The following TERF2IP variants were observed in gnomAD, a reference collection of about 807,000 sequenced individuals.
TERF2IP encodes the protein TERF2 interacting protein, also known as telomeric repeat-binding factor 2-interacting protein 1.
Under a neutral mutation model 33.3 loss-of-function variants are expected in TERF2IP, and 35 were observed. That is an observed-to-expected ratio of 1.05 (90% CI 0.80 to 1.39). The LOEUF (loss-of-function observed/expected upper bound fraction) is 1.39. TERF2IP is among the 40% of genes most tolerant of loss of function. The probability of loss-of-function intolerance (pLI) is 0.00; values close to 1 mark genes in which losing one functional copy is unlikely to be tolerated. For missense variants in TERF2IP, 583 were observed against 524.8 expected (o/e 1.11, Z -1.08); for synonymous variants, 253 against 223.2 (o/e 1.13, Z -1.19).
intron 2 of TERF2IP, among the ~76,000 whole-genome samples, chr16:75,654,792 G>A (rs1288963895): frequency 3.4e-5 from 5 of 145,802 alleles, no homozygotes; most frequent in Admixed American, 3.4e-4. Flanking sequence ...GCAGTGGTGC[G>A]ATCTTGGCTC....
chr16:75,656,513 A>C lies in TERF2IP; in HGVS notation c.1102A>C (p.Ile368Leu), dbSNP rs756225588. The change falls in exon 3 of 3, where the codon ATA becomes CTA. Residue 368 changes from isoleucine (I) to leucine (L), a missense_variant. Ile to Leu is a conservative substitution (Grantham distance 5, BLOSUM62 2). Transcript: ENST00000300086. ...TCCCATTTGGTCCCGACAAGATGAC[A>C]TAGATTTGCAAAAAGATGATGAGGA... is the stretch of plus-strand genomic sequence containing the variant. ...GYPIWSRQDD[I>L]DLQKDDEDTR... 3.1e-6 allele frequency: 5 copies of C among 1,614,110 alleles called. No homozygotes were observed. Among genetic ancestry groups the C allele is most frequent in the Non-Finnish European group, 3.4e-6 (4 of 1,180,050 alleles).
rs2082383618 is a variant in TERF2IP at position 75,656,122 on chromosome 16, G to A, written c.796-85G>A. 2.2e-6 allele frequency: 3 copies of A among 1,344,588 alleles called. No homozygotes were observed. The African/African-American group carries it at 4.4e-5, about 20-fold the overall frequency. 83.3% of individuals were successfully genotyped at this position (1,344,588 alleles called of 1,614,324 possible). On this transcript the variant is annotated intron_variant, in intron 2 of 2. Coordinates refer to ENST00000300086, the MANE Select transcript of TERF2IP (RefSeq NM_018975.4). The stretch of plus-strand genomic sequence containing the variant: ...AGTGTGATTGGAATGCAGAGGGCAA[G>A]GGGGTGATAGTTGGAAGAGACCAGA...
chr16:75,651,616 G>A (rs553164796), intron 1 of TERF2IP, among the ~76,000 whole-genome samples: 1 of 152,298 alleles, frequency 6.6e-6, no homozygotes, highest in Non-Finnish European at 1.5e-5. Context: ...TTGAACCAGG[G>A]AGGTGTAGGT....
rs770572609 is a variant in TERF2IP at position 75,657,138 on chromosome 16, A to C, written c.*527A>C. 2 of 152,382 alleles carry C rather than the reference A, an allele frequency of 1.3e-5. No homozygotes were observed. The highest frequency in any genetic ancestry group is 6.5e-5 in the Admixed American group (1 of 15,276). 9.4% of individuals were successfully genotyped at this position (152,382 alleles called of 1,614,324 possible). On this transcript the variant is annotated 3_prime_UTR_variant, in exon 3 of 3. Transcript: ENST00000300086. ...AGCTCTGATTTCTAGACTGCTTTGA[A>C]AATGCTGTATTCATTTTGCTAACTT...
At chr16:75,654,073 G>A (rs74460198) in intron 1 of TERF2IP, among the ~76,000 whole-genome samples, 200 bp from the exon 2 acceptor site, 1,883 of 143,248 alleles carry the variant, frequency 0.013, 49 homozygotes, top group African/African-American at 0.045. Context: ...TCAGAAGCAA[G>A]CATAGAAATG....
chr16:75,656,773 G>A lies in TERF2IP; in HGVS notation c.*162G>A. ...TCCTAGATTTTTGTAGCCAAGCAGA[G>A]TTGTAGAGGGGGATAAAAAGAAAAG... On this transcript the variant is annotated 3_prime_UTR_variant, in exon 3 of 3. Transcript: ENST00000300086. 3.1e-6 allele frequency: 2 copies of A among 644,468 alleles called. No individual in the cohort carries two copies. Among genetic ancestry groups the A allele is most frequent in the Admixed American group, 6.3e-5 (2 of 31,498 alleles). 39.9% of individuals were successfully genotyped at this position (644,468 alleles called of 1,614,324 possible). A position where few individuals can be genotyped will look rare whatever the true frequency, so the allele number is the denominator to read the frequency against.
chr16:75,652,848 A>G (rs1165069322), intron 1 of TERF2IP, among the ~76,000 whole-genome samples: 2 of 152,298 alleles, frequency 1.3e-5, no homozygotes, highest in African/African-American at 2.4e-5. Flanking sequence ...CTAAAACTGA[A>G]ACTCCATGCC....
chr16:75,653,133 A>G (rs1206500009), intron 1 of TERF2IP, among the ~76,000 whole-genome samples: 1 of 152,092 alleles, frequency 6.6e-6, no homozygotes, highest in African/African-American at 2.4e-5. Flanking sequence ...CATTGTATGT[A>G]TATACTACAT....
At chr16:75,652,206 T>A (rs2082352880) in intron 1 of TERF2IP, among the ~76,000 whole-genome samples, 1 of 152,164 alleles carries the variant, frequency 6.6e-6, no homozygotes, top group Non-Finnish European at 1.5e-5. Context: ...TCTATTACCG[T>A]CTCTTGTCTG....
At chr16:75,651,190 G>A (rs1307642958) in intron 1 of TERF2IP, among the ~76,000 whole-genome samples, 2 of 152,004 alleles carry the variant, frequency 1.3e-5, no homozygotes, top group Non-Finnish European at 2.9e-5. Flanking sequence ...TAAAGTCAGA[G>A]GGCATGCTGG....
intron 2 of TERF2IP, among the ~76,000 whole-genome samples, chr16:75,655,778 A>G (rs1446348136): frequency 6.6e-6 from 1 of 152,206 alleles, no homozygotes; most frequent in Admixed American, 6.5e-5. Context: ...GATGAACAAA[A>G]CATACAATTC....
Position 75,647,824 on chromosome 16 carries a change from GCT to G in TERF2IP, c.-56_-55del, listed in dbSNP as rs1203682390. On this transcript the variant is annotated 5_prime_UTR_variant, in exon 1 of 3. Transcript: ENST00000300086. ...CTGCGGTGACAGCTCAGTCAGTTGA[GCT>G]CTGTGTGCCAGGCGCTCGCGAGGGG... 3.8e-6 allele frequency: 6 copies of G among 1,597,288 alleles called. No homozygotes were observed. The highest frequency in any genetic ancestry group is 5.1e-6 in the Non-Finnish European group (6 of 1,168,640).
chr16:75,648,065 C>G lies in TERF2IP; in HGVS notation c.183C>G (p.Ala61=). The change falls in exon 1 of 3, where the codon GCC becomes GCG. Residue 61 remains alanine, a synonymous_variant. Transcript: ENST00000300086. ...TGTGCCGAGTGCAGGAGCCCGGGGC[C>G]GTGCTGCTGGCCCAGCCCGGGGAGG... The part of the protein sequence containing the change: ...GTVCRVQEPG[A]VLLAQPGEAL... 1 of 1,589,182 alleles carries G rather than the reference C, an allele frequency of 6.3e-7. No individual in the cohort carries two copies. The highest frequency in any genetic ancestry group is 8.6e-7 in the Non-Finnish European group (1 of 1,167,780).
At chr16:75,650,548 T>C (rs1359672089) in intron 1 of TERF2IP, among the ~76,000 whole-genome samples, 1 of 152,162 alleles carries the variant, frequency 6.6e-6, no homozygotes, top group East Asian at 1.9e-4. Context: ...TTTTATTATA[T>C]ATCTTGAGAT....
intron 1 of TERF2IP, among the ~76,000 whole-genome samples, chr16:75,650,922 C>A (rs2082342510): frequency 6.6e-6 from 1 of 152,076 alleles, no homozygotes; most frequent in African/African-American, 2.4e-5. Flanking sequence ...ATTCATCCTA[C>A]CCATCTAAGT....
In TERF2IP at chr16:75,648,548, C is replaced by A. The variant is rs752149885; in HGVS notation, c.666C>A (p.Ser222Arg). The A allele has an allele frequency of 1.9e-6, 3 of 1,553,380 alleles. No homozygotes were observed. The highest frequency in any genetic ancestry group is 2.6e-6 in the Non-Finnish European group (3 of 1,146,372). The change falls in exon 1 of 3, where the codon AGC (serine) becomes AGA (arginine). Residue 222 changes from serine (S) to arginine (R), a missense_variant. By Grantham distance (110) the Ser-to-Arg change is moderately radical (BLOSUM62 -1). Coordinates refer to ENST00000300086, the MANE Select transcript of TERF2IP (RefSeq NM_018975.4). ...KAEEDPEAADSGEPQNKRTPD... is the reference protein window; with the variant it reads ...KAEEDPEAADRGEPQNKRTPD... ...AGGAGGACCCGGAGGCCGCGGATAG[C>A]GGGGGTGAGGAGGCTGAGCGCGGGG... is the stretch of plus-strand genomic sequence containing the variant.
chr16:75,649,854 G>A (rs1161936382), intron 1 of TERF2IP, among the ~76,000 whole-genome samples: 1 of 152,164 alleles, frequency 6.6e-6, no homozygotes, highest in Admixed American at 6.5e-5. Flanking sequence ...GAACGAGTCT[G>A]TTAAGATGTA....
rs1310892372 is a variant in TERF2IP at position 75,656,869 on chromosome 16, C to T, written c.*258C>T. The T allele has an allele frequency of 2.2e-6, 1 of 453,544 alleles. No individual in the cohort carries two copies. The highest frequency in any genetic ancestry group is 3.8e-5 in the East Asian group (1 of 26,150). The allele number at this position is 453,544 out of a possible 1,614,324, so 28.1% of individuals were successfully genotyped here. A position where few individuals can be genotyped will look rare whatever the true frequency, so the allele number is the denominator to read the frequency against. ...TTATGAAAGGAAGATCTAAATCAGA[C>T]AGGAGTTGGTCTACATAGTAGTAAT... On this transcript the variant is annotated 3_prime_UTR_variant, in exon 3 of 3. Transcript: ENST00000300086.
At chr16:75,653,737 C>T (rs1377520339) in intron 1 of TERF2IP, among the ~76,000 whole-genome samples, 1 of 152,138 alleles carries the variant, frequency 6.6e-6, no homozygotes, top group South Asian at 2.1e-4. Context: ...AAAGTCTGCT[C>T]CTTGGCCCCA....
Sources: allele counts gnomAD v4.1 joint callset (sites outside exome capture counted in the v4.1 genomes callset), GRCh38; gene constraint gnomAD v4.1.1; transcripts MANE v1.5; gene names NCBI Gene and HGNC (gene_info 2026-07-23, HGNC 2026-07-21).